The following LRRC8D variants were observed in gnomAD, a reference collection of about 807,000 sequenced individuals.
LRRC8D encodes volume-regulated anion channel subunit LRRC8D.
A neutral mutation model predicts 55.8 loss-of-function variants in LRRC8D; 20 were observed. That is an observed-to-expected ratio of 0.36 (90% confidence interval 0.25 to 0.52). The LOEUF (loss-of-function observed/expected upper bound fraction) is 0.52, where lower values mean the gene tolerates loss of function less well. LRRC8D is among the 20% of genes least tolerant of loss of function. LRRC8D has a pLI of 0.93. For synonymous variants in LRRC8D, 352 were observed against 377.0 expected, an observed-to-expected ratio of 0.93 and a Z score of 0.77; for missense variants, 651 against 1,030.8, an observed-to-expected ratio of 0.63 and a Z score of 5.05.
Position 89,894,548 on chromosome 1 carries a change from C to T in LRRC8D, c.-2-38519C>T, listed in dbSNP as rs150830715. On this transcript the variant is annotated intron_variant, in intron 2 of 2. Coordinates refer to ENST00000337338, the MANE Select transcript of LRRC8D (RefSeq NM_001134479.2). ...TTAGGGAGGCAAGCTGAACTTAAAT[C>T]TTTTAGGAAATTGGACAGAGTCATA... Among the ~76,000 whole-genome samples the T allele has an allele frequency of 4.2e-3, 640 of 152,252 alleles. 11 individuals carry two copies. The highest frequency in any genetic ancestry group is 0.015 in the African/African-American group (607 of 41,540).
chr1:89,825,163 G>A (rs1660734503), intron 1 of LRRC8D, among the ~76,000 whole-genome samples: 1 of 152,110 alleles, frequency 6.6e-6, no homozygotes, highest in African/African-American at 2.4e-5. Flanking sequence ...TGACTTTGTT[G>A]AAAACTGTAG....
chr1:89,919,851 T>C (rs1376515799), intron 2 of LRRC8D, among the ~76,000 whole-genome samples: 1 of 152,216 alleles, frequency 6.6e-6, no homozygotes, highest in East Asian at 1.9e-4. Flanking sequence ...CCCAGAACCC[T>C]ATAGCAAAAA....
intron 2 of LRRC8D, among the ~76,000 whole-genome samples, chr1:89,910,512 C>CA (rs1663109736): frequency 1.3e-5 from 2 of 152,164 alleles, no homozygotes; most frequent in Non-Finnish European, 1.5e-5. Flanking sequence ...AGCATTTTGT[C>CA]ACCTTCACTT....
chr1:89,852,264 A>T (rs1190669327), intron 2 of LRRC8D, among the ~76,000 whole-genome samples: 1 of 152,198 alleles, frequency 6.6e-6, no homozygotes, highest in Non-Finnish European at 1.5e-5. Context: ...TAGTTACCTG[A>T]CTAAACTTAC....
chr1:89,920,547 T>C (rs1439804815), intron 2 of LRRC8D, among the ~76,000 whole-genome samples: 2 of 152,124 alleles, frequency 1.3e-5, no homozygotes, highest in African/African-American at 4.8e-5. Flanking sequence ...AAAAGTTTAA[T>C]TTCTTATCAT....
intron 2 of LRRC8D, among the ~76,000 whole-genome samples, chr1:89,860,756 CAAA>C (rs1181859656): frequency 7.4e-4 from 14 of 18,832 alleles, no homozygotes; most frequent in African/African-American, 2.1e-3. Flanking sequence ...GACTCTATCT[CAAA>C]AAAAAAAAAA....
At chr1:89,927,231 G>A (rs1001368024) in intron 2 of LRRC8D, among the ~76,000 whole-genome samples, 3 of 152,386 alleles carry the variant, frequency 2.0e-5, no homozygotes, top group South Asian at 2.1e-4. Flanking sequence ...GGGCGGAGGC[G>A]CAGCCTCAAT....
intron 2 of LRRC8D, among the ~76,000 whole-genome samples, chr1:89,929,615 C>CA (rs1351608517): frequency 6.6e-6 from 1 of 152,212 alleles, no homozygotes; most frequent in African/African-American, 2.4e-5. Context: ...GATACAATTA[C>CA]AGTCACATGT....
chr1:89,924,549 A>G, intron 2 of LRRC8D, among the ~76,000 whole-genome samples: 1 of 152,240 alleles, frequency 6.6e-6, no homozygotes, highest in East Asian at 1.9e-4. Context: ...AATTCAACCC[A>G]GCAATCTCTA....
rs1186649182 is a variant in LRRC8D at position 89,934,608 on chromosome 1, A to C, written c.1540A>C (p.Asn514His). Residue 514 changes from asparagine (N) to histidine (H), a missense_variant, in exon 3 of 3, where the codon AAC (asparagine) becomes CAC (histidine). Physicochemically the swap from Asn to His is moderately conservative, Grantham distance 68. This residue lies in a region of LRRC8D where 338 missense variants were observed against 479.4 expected (regional missense o/e 0.71). Coordinates refer to ENST00000337338, the MANE Select transcript of LRRC8D (RefSeq NM_001134479.2). The surrounding 1 kb of genome is among the most constrained non-coding windows in gnomAD (Gnocchi z 5.9). ...KIPAKISQMT[N>H]LQELHLCHCP... ...TCCTGCTAAGATTTCTCAAATGACT[A>C]ACCTCCAAGAGCTCCACCTCTGCCA... The C allele has an allele frequency of 1.2e-6, 2 of 1,614,166 alleles. No homozygotes were observed. Among genetic ancestry groups the C allele is most frequent in the South Asian group, 2.2e-5 (2 of 91,086 alleles).
At chr1:89,851,755 C>G (rs1182209334) in intron 2 of LRRC8D, among the ~76,000 whole-genome samples, 1 of 152,158 alleles carries the variant, frequency 6.6e-6, no homozygotes, top group African/African-American at 2.4e-5. Context: ...GGCAATCCAC[C>G]TGCCTCGGCC....
At chr1:89,932,952 A>G in intron 2 of LRRC8D, 115 bp from the exon 3 acceptor site, 1 of 812,156 alleles carries the variant, frequency 1.2e-6, no homozygotes. Flanking sequence ...TATATTGGAT[A>G]AAAAGATAGG....
At chr1:89,919,620 CAT>C (rs1314467488) in intron 2 of LRRC8D, among the ~76,000 whole-genome samples, 1 of 152,194 alleles carries the variant, frequency 6.6e-6, no homozygotes, top group Admixed American at 6.5e-5. Context: ...CTAACTGTCT[CAT>C]AAACTGGATG....
At chr1:89,834,679 A>G (rs888948613) in intron 1 of LRRC8D, among the ~76,000 whole-genome samples, 1 of 152,218 alleles carries the variant, frequency 6.6e-6, no homozygotes, top group African/African-American at 2.4e-5. Context: ...ACATTTGCTC[A>G]GAAGGAGAGA....
At chr1:89,899,107 A>G (rs1223462625) in intron 2 of LRRC8D, among the ~76,000 whole-genome samples, 1 of 152,188 alleles carries the variant, frequency 6.6e-6, no homozygotes, top group Non-Finnish European at 1.5e-5. Context: ...TTGCAGAGGA[A>G]CTTTTCAACA....
intron 2 of LRRC8D, among the ~76,000 whole-genome samples, chr1:89,895,816 A>G (rs985113852): frequency 6.6e-6 from 1 of 152,174 alleles, no homozygotes; most frequent in Non-Finnish European, 1.5e-5. Context: ...GTTTACATCT[A>G]TGTATAATTT....
In LRRC8D at chr1:89,933,272, A is replaced by G. The variant is rs557409618; in HGVS notation, c.204A>G (p.Thr68=). The part of the protein sequence containing the change: ...LPSPVNSKAH[T]PPGNAEVTTN... Reference sequence around the variant, plus strand: ...CTCCTGTAAATTCAAAGGCACATACACCACCAGGAAATGCCGAGGTCACCA... The same window carrying G: ...CTCCTGTAAATTCAAAGGCACATACGCCACCAGGAAATGCCGAGGTCACCA... Residue 68 remains threonine, a synonymous_variant, in exon 3 of 3, where the codon ACA becomes ACG. Coordinates refer to ENST00000337338, the MANE Select transcript of LRRC8D (RefSeq NM_001134479.2). This position sits in a 1 kb window ranked among gnomAD's most constrained non-coding sequence, Gnocchi z 7.0. 2.5e-6 allele frequency: 4 copies of G among 1,614,176 alleles called. No individual in the cohort carries two copies. In the African/African-American group the frequency reaches 5.3e-5, roughly 22 times the overall value.
At chr1:89,850,345 G>A (rs1387203089) in intron 2 of LRRC8D, among the ~76,000 whole-genome samples, 1 of 152,158 alleles carries the variant, frequency 6.6e-6, no homozygotes, top group Non-Finnish European at 1.5e-5. Context: ...CTCGTGTCAT[G>A]GGGGTTTGTT....
chr1:89,910,953 C>T lies in LRRC8D; in HGVS notation c.-2-22114C>T, dbSNP rs188177610. 2.0e-5 allele frequency among the ~76,000 whole-genome samples: 3 copies of T among 152,206 alleles called. No individual in the cohort carries two copies. The East Asian group carries it at 5.8e-4, about 29-fold the overall frequency. On this transcript the variant is annotated intron_variant, in intron 2 of 2. Coordinates refer to ENST00000337338, the MANE Select transcript of LRRC8D (RefSeq NM_001134479.2). Reference sequence around the variant, plus strand: ...CTACCTCATCTTTGTCCCTGTATACCATGGTCAAGGAAATGAGAAGTAAAC... The same window carrying T: ...CTACCTCATCTTTGTCCCTGTATACTATGGTCAAGGAAATGAGAAGTAAAC...
Sources: gnomAD v4.1 joint callset for allele counts (sites outside exome capture counted in the v4.1 genomes callset) on GRCh38, gnomAD v4.1.1 for gene constraint, gnomAD v4.1.1 regional missense constraint, Gnocchi (gnomAD v3.1) non-coding constraint, MANE v1.5 for transcripts, NCBI Gene and HGNC (gene_info 2026-07-23, HGNC 2026-07-21) for gene names.